C13orf42: variants seen among roughly 807,000 people sequenced by gnomAD.
C13orf42 encodes the protein uncharacterized protein C13orf42.
chr13:51,105,293 T>C (rs1263231338), intron 1 of C13orf42, among the ~76,000 whole-genome samples: 2 of 152,186 alleles, frequency 1.3e-5, no homozygotes, highest in African/African-American at 2.4e-5. Context: ...GAAATCACCA[T>C]AGGAATTCTG....
At chr13:51,145,547 G>C (rs2408294) in intron 1 of C13orf42, among the ~76,000 whole-genome samples, 74,581 of 151,666 alleles carry the variant, frequency 0.49, 18,441 homozygotes, top group African/African-American at 0.54. Context: ...TTTAAAAAAG[G>C]GGGGAAATGT....
chr13:51,141,595 C>T lies in C13orf42; in HGVS notation n.137-28373G>A, dbSNP rs146311895. On this transcript the variant is annotated intron_variant and non_coding_transcript_variant, in intron 1 of 4. Coordinates refer to the C13orf42 transcript ENST00000433280. ...TGGGCGGGTCATGAGGTCAGGAGTT[C>T]GAGACCAGCCTGGCCAACATGGTGA... Among the ~76,000 whole-genome samples the T allele has an allele frequency of 6.3e-4, 96 of 151,990 alleles. 3 individuals are homozygous for T. The East Asian group carries it at 0.018, about 29-fold the overall frequency.
intron 1 of C13orf42, among the ~76,000 whole-genome samples, chr13:51,100,546 AT>A (rs949804844): frequency 1.3e-5 from 2 of 152,204 alleles, no homozygotes; most frequent in African/African-American, 4.8e-5. Context: ...TTTTATGACG[AT>A]AAAAAAGGTC....
chr13:51,108,747 T>C lies in C13orf42; in HGVS notation c.414+2049A>G, dbSNP rs538181036. ...TTAACAAAGGCACACAGCTGGTAAA[T>C]AGCAGAACTAAAATTCAAATCTTGG... On this transcript the variant is annotated intron_variant, in intron 1 of 3. Transcript: ENST00000563710. Among the ~76,000 whole-genome samples the C allele has an allele frequency of 7.9e-5, 12 of 152,294 alleles. No individual in the cohort carries two copies. In the East Asian group the frequency reaches 1.9e-3, roughly 24 times the overall value.
intron 1 of C13orf42, among the ~76,000 whole-genome samples, chr13:51,097,190 T>C (rs1171442263): frequency 6.6e-6 from 1 of 152,232 alleles, no homozygotes; most frequent in Non-Finnish European, 1.5e-5. Context: ...CTTTGGGTAG[T>C]TTGCAATCTT....
At chr13:51,102,998 C>A (rs1008360749) in intron 1 of C13orf42, among the ~76,000 whole-genome samples, 3 of 152,196 alleles carry the variant, frequency 2.0e-5, no homozygotes. Flanking sequence ...CACCTCCCTC[C>A]CTTGACACGT....
At chr13:51,114,874 G>T (rs1219236582), upstream of C13orf42, among the ~76,000 whole-genome samples, 1 of 152,168 alleles carries the variant, frequency 6.6e-6, no homozygotes, top group Admixed American at 6.5e-5. Flanking sequence ...CAAAAGAATA[G>T]GTTTTAGGTG....
At chr13:51,156,098 C>A (rs1168271418) in intron 1 of C13orf42, among the ~76,000 whole-genome samples, 1 of 152,138 alleles carries the variant, frequency 6.6e-6, no homozygotes, top group Non-Finnish European at 1.5e-5. Flanking sequence ...ACCTTGACCC[C>A]ACCCCCGGCC....
chr13:51,140,936 T>C (rs940491843), intron 1 of C13orf42, among the ~76,000 whole-genome samples: 1 of 152,170 alleles, frequency 6.6e-6, no homozygotes, highest in Admixed American at 6.5e-5. Flanking sequence ...TGCTTACACT[T>C]AGACCGCTCA....
Position 51,170,189 on chromosome 13 carries a change from C to T in C13orf42, n.136+2064G>A, listed in dbSNP as rs553427267. ...CTTTACCTACCCAAATCCTATAAAA[C>T]GGCCCCACCCTTATCTCCGTTTGCT... On this transcript the variant is annotated intron_variant and non_coding_transcript_variant, in intron 1 of 4. Transcript: ENST00000433280. Among the ~76,000 whole-genome samples the T allele has an allele frequency of 5.3e-5, 8 of 152,250 alleles. No individual in the cohort carries two copies. In the South Asian group the frequency reaches 1.5e-3, roughly 28 times the overall value.
rs534484148 is a variant in C13orf42 at position 51,133,330 on chromosome 13, G to A, written n.137-20108C>T. On this transcript the variant is annotated intron_variant and non_coding_transcript_variant, in intron 1 of 4. Coordinates refer to the C13orf42 transcript ENST00000433280. ...CAAGAGCTGGGAGAGGGGAGGACGG[G>A]GAGTTGCTATTTAATAGGCACAGAG... Among the ~76,000 whole-genome samples, 5 of 152,250 alleles carry A rather than the reference G, an allele frequency of 3.3e-5. No individual in the cohort carries two copies. The South Asian group carries it at 6.2e-4, about 19-fold the overall frequency.
intron 1 of C13orf42, among the ~76,000 whole-genome samples, chr13:51,107,572 G>A (rs1472392478): frequency 6.6e-6 from 1 of 152,182 alleles, no homozygotes; most frequent in Non-Finnish European, 1.5e-5. Flanking sequence ...GATGGAGGGA[G>A]GGAGGGCAGC....
chr13:51,105,944 A>C (rs180791157), intron 1 of C13orf42, among the ~76,000 whole-genome samples: 4 of 152,366 alleles, frequency 2.6e-5, no homozygotes, highest in African/African-American at 9.6e-5. Flanking sequence ...TTGTAGAATG[A>C]GCTGGGAGAT....
intron 1 of C13orf42, among the ~76,000 whole-genome samples, chr13:51,088,672 C>T (rs773500821): frequency 2.0e-5 from 3 of 152,036 alleles, no homozygotes; most frequent in Non-Finnish European, 4.4e-5. Flanking sequence ...AAATATATAC[C>T]TACTATGTAC....
At chr13:51,164,132 C>G (rs1282462945) in intron 1 of C13orf42, among the ~76,000 whole-genome samples, 1 of 152,180 alleles carries the variant, frequency 6.6e-6, no homozygotes, top group Non-Finnish European at 1.5e-5. Flanking sequence ...GGCTAGCGCT[C>G]AACTCAATGG....
chr13:51,146,475 C>G (rs983613994), intron 1 of C13orf42, among the ~76,000 whole-genome samples: 1 of 152,194 alleles, frequency 6.6e-6, no homozygotes, highest in Non-Finnish European at 1.5e-5. Flanking sequence ...TAAGGACGCA[C>G]GCCCATGACA....
At chr13:51,089,544 T>C (rs1221677385) in intron 1 of C13orf42, among the ~76,000 whole-genome samples, 1 of 152,120 alleles carries the variant, frequency 6.6e-6, no homozygotes, top group Non-Finnish European at 1.5e-5. Flanking sequence ...TCTCTCCTGC[T>C]GCCTTGTGAA....
chr13:51,140,156 A>G (rs1012041721), intron 1 of C13orf42, among the ~76,000 whole-genome samples: 4 of 152,196 alleles, frequency 2.6e-5, no homozygotes, highest in African/African-American at 4.8e-5. Flanking sequence ...CAGAAACTCA[A>G]AAGAATGTAA....
In C13orf42 at chr13:51,085,386, A is replaced by C. The variant is rs1953110629; in HGVS notation, c.736T>G (p.Tyr246Asp). Residue 246 changes from tyrosine to aspartate, a missense_variant, in exon 3 of 4, where the codon TAT becomes GAT. Transcript: ENST00000563710. ...GCCCCTTCCACAGCCTTGGGCAAAT[A>C]AATGGGGTGCCTCTCGAGTCTCCTC... ...TQRRLERHPI[Y>D]LPKAVEGAFN... The C allele has an allele frequency of 2.5e-6, 1 of 398,420 alleles. No homozygotes were observed. Among genetic ancestry groups the C allele is most frequent in the South Asian group, 1.3e-4 (1 of 7,852 alleles). 24.7% of individuals were successfully genotyped at this position (398,420 alleles called of 1,614,324 possible).
Sources: gnomAD v4.1 joint callset for allele counts (sites outside exome capture counted in the v4.1 genomes callset) on GRCh38, gnomAD v4.1.1 for gene constraint, MANE v1.5 for transcripts, NCBI Gene and HGNC (gene_info 2026-07-23, HGNC 2026-07-21) for gene names.